The following VOPP1 variants were observed in gnomAD, a reference collection of about 807,000 sequenced individuals.
The protein encoded by VOPP1 is VOPP1 WW domain binding protein.
A neutral mutation model predicts 23.5 loss-of-function variants in VOPP1; 8 were observed. That is an observed-to-expected ratio of 0.34 (90% confidence interval 0.20 to 0.61). VOPP1 has a LOEUF of 0.61. VOPP1 is among the 20% of genes least tolerant of loss of function. VOPP1 has a pLI of 0.78. For synonymous variants in VOPP1, 83 were observed against 97.3 expected, an observed-to-expected ratio of 0.85 and a Z score of 0.86; for missense variants, 174 against 238.1, an observed-to-expected ratio of 0.73 and a Z score of 1.77.
At chr7:55,539,003 GGTTTCATTCCTTTTT>G (rs1379633321) in intron 1 of VOPP1, among the ~76,000 whole-genome samples, 1 of 120,316 alleles carries the variant, frequency 8.3e-6, no homozygotes, top group South Asian at 2.7e-4. Context: ...GGGAGGGAAA[GGTTTCATTCCTTTTT>G]GTTTCATTCC....
At chr7:55,572,210 C>T (rs920112523) in intron 1 of VOPP1, 61 bp downstream of exon 1, 34 of 1,428,968 alleles carry the variant, frequency 2.4e-5, no homozygotes, top group Middle Eastern at 2.3e-4. Flanking sequence ...GAACTGCGCG[C>T]CCCCAGCCGC....
At chr7:55,544,937 C>T (rs149440739) in intron 1 of VOPP1, among the ~76,000 whole-genome samples, 1,675 of 152,212 alleles carry the variant, frequency 0.011, 11 homozygotes, top group Middle Eastern at 0.02. Context: ...ATTTTACTTT[C>T]GTGTAATCGG....
intron 2 of VOPP1, among the ~76,000 whole-genome samples, chr7:55,516,966 G>A (rs1203485867): frequency 4.2e-4 from 33 of 79,220 alleles, no homozygotes; most frequent in Non-Finnish European, 6.2e-4. Flanking sequence ...TTTTTTTTGA[G>A]ACGGAGTCTC....
chr7:55,530,810 A>C (rs1796456859), intron 1 of VOPP1: 1 of 152,220 alleles, frequency 6.6e-6, no homozygotes, highest in African/African-American at 2.4e-5. Flanking sequence ...TAGGAATTCT[A>C]CCTTTCAGCA....
downstream of VOPP1, among the ~76,000 whole-genome samples, chr7:55,467,495 C>T (rs1791662903): frequency 6.6e-6 from 1 of 152,260 alleles, no homozygotes; most frequent in Non-Finnish European, 1.5e-5. Flanking sequence ...GTGTACAGTT[C>T]AACTTCTATC....
intron 4 of VOPP1, among the ~76,000 whole-genome samples, chr7:55,477,628 C>T (rs1449528872): frequency 6.6e-6 from 1 of 152,170 alleles, no homozygotes; most frequent in African/African-American, 2.4e-5. Flanking sequence ...ACCAGAAACA[C>T]CAGCACCTGC....
intron 4 of VOPP1, among the ~76,000 whole-genome samples, chr7:55,449,101 A>T (rs1236515292): frequency 1.3e-5 from 2 of 152,198 alleles, no homozygotes; most frequent in East Asian, 1.9e-4. Context: ...ATGAGCACGA[A>T]CTATTTTCAT....
At chr7:55,536,332 C>A (rs907176361) in intron 1 of VOPP1, among the ~76,000 whole-genome samples, 2 of 152,156 alleles carry the variant, frequency 1.3e-5, no homozygotes, top group African/African-American at 4.8e-5. Flanking sequence ...AGTCTAAGAC[C>A]AACCTGGCCA....
chr7:55,515,640 G>A (rs775837668), intron 2 of VOPP1, among the ~76,000 whole-genome samples: 10 of 152,106 alleles, frequency 6.6e-5, no homozygotes, highest in Admixed American at 2.6e-4. Context: ...AACTGAAGCC[G>A]CAGGCTGAAT....
At chr7:55,541,742 G>A (rs1455183853) in intron 1 of VOPP1, among the ~76,000 whole-genome samples, 1 of 152,232 alleles carries the variant, frequency 6.6e-6, no homozygotes, top group Non-Finnish European at 1.5e-5. Context: ...ACCAAATGTG[G>A]TGTATCCGGT....
chr7:55,493,341 C>T (rs1192224712), intron 3 of VOPP1: 1 of 152,256 alleles, frequency 6.6e-6, no homozygotes, highest in Admixed American at 6.5e-5. Flanking sequence ...ATGCAGACAC[C>T]CACACGGTGA....
At chr7:55,533,392 T>A (rs1796602095) in intron 1 of VOPP1, among the ~76,000 whole-genome samples, 1 of 151,982 alleles carries the variant, frequency 6.6e-6, no homozygotes, top group Non-Finnish European at 1.5e-5. Flanking sequence ...TCCAGAGCCA[T>A]CACTTATAAA....
intron 2 of VOPP1, among the ~76,000 whole-genome samples, chr7:55,505,816 ATG>A (rs1291958797): frequency 6.6e-6 from 1 of 152,132 alleles, no homozygotes; most frequent in Non-Finnish European, 1.5e-5. Flanking sequence ...CATTTCTTCT[ATG>A]TTGAGATTTT....
intron 4 of VOPP1, among the ~76,000 whole-genome samples, chr7:55,443,463 A>T (rs1791017487): frequency 6.6e-6 from 1 of 151,960 alleles, no homozygotes; most frequent in Admixed American, 6.5e-5. Flanking sequence ...CTGAGGCAGG[A>T]GAATGGCATG....
At chr7:55,507,488 CA>C (rs1794808113) in intron 2 of VOPP1, among the ~76,000 whole-genome samples, 1 of 152,126 alleles carries the variant, frequency 6.6e-6, no homozygotes, top group Non-Finnish European at 1.5e-5. Flanking sequence ...TGAGTTTGGT[CA>C]TATGCAAACA....
At chr7:55,538,874 T>C (rs542722027) in intron 1 of VOPP1, among the ~76,000 whole-genome samples, 2 of 151,028 alleles carry the variant, frequency 1.3e-5, no homozygotes, top group African/African-American at 4.9e-5. Flanking sequence ...TATGATCCCA[T>C]CTGTGTACTT....
chr7:55,547,493 T>G (rs2129052720), intron 1 of VOPP1, among the ~76,000 whole-genome samples: 1 of 152,320 alleles, frequency 6.6e-6, no homozygotes, highest in South Asian at 2.1e-4. Flanking sequence ...GCCAACTTTT[T>G]GGGAGTTACA....
rs1797912710 is a variant in VOPP1 at position 55,559,425 on chromosome 7, G to A, written c.54+12846C>T. Among the ~76,000 whole-genome samples the A allele has an allele frequency of 5.3e-5, 8 of 152,148 alleles. No individual in the cohort carries two copies. The South Asian group carries it at 1.7e-3, about 32-fold the overall frequency. On this transcript the variant is annotated intron_variant, in intron 1 of 4. Transcript: ENST00000285279. ...ACCGTGCCATTGGGCCGACCAACAG[G>A]CCACCACAGTGGAAGGACTCTAATG...
At chr7:55,517,896 A>T (rs1795571078) in intron 2 of VOPP1, among the ~76,000 whole-genome samples, 1 of 152,152 alleles carries the variant, frequency 6.6e-6, no homozygotes. Flanking sequence ...AAATATCTGG[A>T]CCGGTGAGGG....
Sources: gnomAD v4.1 joint callset for allele counts (sites outside exome capture counted in the v4.1 genomes callset) on GRCh38, gnomAD v4.1.1 for gene constraint, MANE v1.5 for transcripts, NCBI Gene and HGNC (gene_info 2026-07-23, HGNC 2026-07-21) for gene names.